VWA3A: variants seen among roughly 807,000 people sequenced by gnomAD.
VWA3A encodes von Willebrand factor A domain containing 3A.
A neutral mutation model predicts 160.4 loss-of-function variants in VWA3A; 134 were observed. The ratio of observed to expected loss-of-function variants is 0.84; its 90% confidence interval spans 0.73 to 0.96. VWA3A has a LOEUF of 0.96. Among genes scored for constraint, VWA3A ranks in the 40% least tolerant of loss-of-function variants. VWA3A has a pLI of 0.00. For synonymous variants in VWA3A, 476 were observed against 543.4 expected (o/e 0.88, Z 1.72); for missense variants, 1,310 against 1,447.9 (o/e 0.90, Z 1.55).
At chr16:22,097,721 G>A in intron 3 of VWA3A, 26 bp downstream of exon 3, 3 of 1,550,832 alleles carry the variant, frequency 1.9e-6, no homozygotes, top group Non-Finnish European at 2.6e-6. Flanking sequence ...CTTTAACTGG[G>A]TCGTGATACT....
chr16:22,099,785 A>G (rs2045379276), intron 3 of VWA3A, among the ~76,000 whole-genome samples: 1 of 152,156 alleles, frequency 6.6e-6, no homozygotes, highest in Admixed American at 6.5e-5. Flanking sequence ...AACACGGACA[A>G]ACCAGGGGGC....
At chr16:22,145,371 G>A (rs1184940065) in intron 26 of VWA3A, among the ~76,000 whole-genome samples, 1 of 152,110 alleles carries the variant, frequency 6.6e-6, no homozygotes, top group Non-Finnish European at 1.5e-5. Context: ...AGACGCAGTG[G>A]CTCATGCCTG....
intron 17 of VWA3A, among the ~76,000 whole-genome samples, chr16:22,127,002 A>T (rs1170254357): frequency 1.3e-5 from 2 of 149,286 alleles, no homozygotes; most frequent in Non-Finnish European, 3.0e-5. Flanking sequence ...ATATAGTTTT[A>T]AAATTATATA....
chr16:22,117,617 C>T (rs759742895), intron 11 of VWA3A, among the ~76,000 whole-genome samples: 98 of 152,340 alleles, frequency 6.4e-4, no homozygotes, highest in Non-Finnish European at 1.1e-3. Context: ...CATTCTGTAC[C>T]GATCCATCCA....
At chr16:22,141,322 G>T (rs2141994857) in intron 23 of VWA3A, 2 of 620,856 alleles carry the variant, frequency 3.2e-6, no homozygotes, top group Non-Finnish European at 6.0e-6. Context: ...CTGTGAGGAT[G>T]AAGCAAGGCA....
intron 6 of VWA3A, among the ~76,000 whole-genome samples, chr16:22,105,655 A>G (rs2045472880): frequency 6.6e-6 from 1 of 152,194 alleles, no homozygotes; most frequent in Non-Finnish European, 1.5e-5. Context: ...AAATGAGAAT[A>G]TCTGGTATTA....
At chr16:22,126,520 C>T (rs1179873201) in intron 17 of VWA3A, among the ~76,000 whole-genome samples, 2 of 151,962 alleles carry the variant, frequency 1.3e-5, no homozygotes, top group African/African-American at 4.8e-5. Flanking sequence ...GGTAAGTGAC[C>T]CCATAACACA....
chr16:22,146,317 G>A lies in VWA3A; in HGVS notation c.2812G>A (p.Val938Ile). The A allele has an allele frequency of 1.9e-6, 3 of 1,613,494 alleles. No homozygotes were observed. The highest frequency in any genetic ancestry group is 2.5e-6 in the Non-Finnish European group (3 of 1,179,626). The stretch of plus-strand genomic sequence containing the variant: ...CTTGGAGAAGGTGTTAAGGCGCTAT[G>A]TCCAGAGGCTGCAGTGGCTGCTGTC... ...RHLEKVLRRY[V>I]QRLQWLLSGS... Residue 938 changes from valine to isoleucine, a missense_variant, in exon 27 of 34, where the codon GTC becomes ATC. Val to Ile is a conservative substitution (Grantham distance 29). Coordinates refer to ENST00000389398, the MANE Select transcript of VWA3A (RefSeq NM_173615.5).
chr16:22,145,553 C>T (rs1418460611), intron 26 of VWA3A, among the ~76,000 whole-genome samples: 1 of 151,554 alleles, frequency 6.6e-6, no homozygotes, highest in East Asian at 2.0e-4. Context: ...GCAGGAAAAT[C>T]GCTTGAACCC....
In VWA3A at chr16:22,123,068, CCCATGCCTGAGTATAGAAGGCAATGAT is replaced by C; in HGVS notation, c.1357-16_1367del. ...TTCTGTTCGCCTGCTCACCCTCCTG[CCCATGCCTGAGTATAGAAGGCAATGAT>C]ACAATTTGAATGGCACGACGGGACA... On this transcript the variant is annotated splice_acceptor_variant and splice_polypyrimidine_tract_variant and coding_sequence_variant and intron_variant, in exon 15 of 34. Coordinates refer to ENST00000389398, the MANE Select transcript of VWA3A (RefSeq NM_173615.5). LOFTEE classifies it high-confidence loss of function. The C allele has an allele frequency of 1.3e-6, 2 of 1,584,898 alleles. No homozygotes were observed. The highest frequency in any genetic ancestry group is 1.7e-6 in the Non-Finnish European group (2 of 1,163,832).
At chr16:22,150,262 G>A (rs1485289081) in intron 29 of VWA3A, among the ~76,000 whole-genome samples, 7 of 152,154 alleles carry the variant, frequency 4.6e-5, no homozygotes, top group African/African-American at 1.2e-4. Context: ...TTAGCCGGGC[G>A]TGGTGGCACA....
chr16:22,144,272 A>T lies in VWA3A; in HGVS notation c.2618A>T (p.Lys873Ile), dbSNP rs1159139512. The change falls in exon 26 of 34, where the codon AAA (lysine) becomes ATA (isoleucine). Residue 873 changes from lysine to isoleucine, a missense_variant. By Grantham distance (102) the Lys-to-Ile change is moderately radical (BLOSUM62 -3). Transcript: ENST00000389398. The stretch of plus-strand genomic sequence containing the variant: ...TGGGTGGCAAAATATGGGCTCAAAA[A>T]ATTGAAGCTGGAGATTTCCAGATGC... The part of the protein sequence containing the change: ...QEWVAKYGLK[K>I]LKLEISRCMG... The T allele has an allele frequency of 1.9e-6, 3 of 1,612,982 alleles. No individual in the cohort carries two copies. Among genetic ancestry groups the T allele is most frequent in the Non-Finnish European group, 2.5e-6 (3 of 1,179,638 alleles).
chr16:22,125,312 G>T (rs913701244), intron 16 of VWA3A, among the ~76,000 whole-genome samples: 1 of 151,976 alleles, frequency 6.6e-6, no homozygotes, highest in Non-Finnish European at 1.5e-5. Context: ...CTTGAGCCCA[G>T]GAGGTTGAGG....
intron 12 of VWA3A, 112 bp from the exon 13 acceptor site, chr16:22,120,856 C>T (rs1300679950): frequency 7.4e-7 from 1 of 1,348,168 alleles, no homozygotes; most frequent in Admixed American, 2.3e-5. Context: ...CTTTAATCTA[C>T]CAGGGAGTGT....
At chr16:22,142,579 C>A in intron 24 of VWA3A, 89 bp from the exon 25 acceptor site, 1 of 970,966 alleles carries the variant, frequency 1.0e-6, no homozygotes. Context: ...CATTAAGCCC[C>A]ATCTCCAACA....
intron 29 of VWA3A, 66 bp from the exon 30 acceptor site, chr16:22,150,629 C>A: frequency 6.6e-7 from 1 of 1,520,246 alleles, no homozygotes; most frequent in Non-Finnish European, 8.8e-7. Flanking sequence ...TACCTTTAGG[C>A]ATTTGGTTCT....
At chr16:22,110,600 C>T (rs2045538995) in intron 7 of VWA3A, among the ~76,000 whole-genome samples, 1 of 152,214 alleles carries the variant, frequency 6.6e-6, no homozygotes, top group African/African-American at 2.4e-5. Flanking sequence ...AGCTCACATG[C>T]CTTAGAGAGA....
chr16:22,152,360 TA>T, intron 30 of VWA3A, 150 bp from the exon 31 acceptor site: 1 of 991,024 alleles, frequency 1.0e-6, no homozygotes. Flanking sequence ...AAGTGTCCTC[TA>T]ATGGTGGTCT....
At chr16:22,147,713 T>A (rs1445761181) in intron 27 of VWA3A, 8 of 700,388 alleles carry the variant, frequency 1.1e-5, no homozygotes, top group Admixed American at 8.0e-5. Flanking sequence ...TCGGTTCACA[T>A]TACCCCTGGG....
Sources: allele counts gnomAD v4.1 joint callset (sites outside exome capture counted in the v4.1 genomes callset), GRCh38; gene constraint gnomAD v4.1.1; transcripts MANE v1.5; gene names NCBI Gene and HGNC (gene_info 2026-07-23, HGNC 2026-07-21).